The following SMAD6 variants were observed in gnomAD, a reference collection of about 807,000 sequenced individuals.
SMAD6 encodes the protein SMAD family member 6, also known as MAD homolog 6.
A neutral mutation model predicts 39.4 loss-of-function variants in SMAD6; 103 were observed. The ratio of observed to expected loss-of-function variants is 2.62; its 90% confidence interval spans 2.23 to 3.08. The LOEUF (loss-of-function observed/expected upper bound fraction) is 3.08, where lower values mean the gene tolerates loss of function less well. SMAD6 is among the 30% of genes most tolerant of loss of function. The pLI is 0.00. For synonymous variants in SMAD6, 445 were observed against 353.3 expected (o/e 1.26, Z -2.91); for missense variants, 1,104 against 742.9 (o/e 1.49, Z -5.65).
At chr15:66,716,332 G>T (rs1418105096) in intron 2 of SMAD6, 89 bp from the exon 3 acceptor site, 2 of 916,514 alleles carry the variant, frequency 2.2e-6, no homozygotes, top group Admixed American at 1.8e-5. Flanking sequence ...ATCCACACAC[G>T]TGCACATGTA....
chr15:66,713,594 A>G (rs1425678125), intron 2 of SMAD6, among the ~76,000 whole-genome samples: 1 of 152,238 alleles, frequency 6.6e-6, no homozygotes. Flanking sequence ...CTGGGATTAC[A>G]GGCGTGAGCC....
At chr15:66,708,702 G>T in intron 1 of SMAD6, 1 of 471,304 alleles carries the variant, frequency 2.1e-6, no homozygotes, top group Non-Finnish European at 4.4e-6. Flanking sequence ...TGTATGAAAT[G>T]AAATGTCCAG....
At chr15:66,726,415 A>G (rs1893522479) in intron 3 of SMAD6, among the ~76,000 whole-genome samples, 1 of 152,174 alleles carries the variant, frequency 6.6e-6, no homozygotes, top group African/African-American at 2.4e-5. Context: ...TGTCTGTCTC[A>G]GGCCCAGGGA....
chr15:66,704,015 G>A lies in SMAD6; in HGVS notation c.757G>A (p.Ala253Thr), dbSNP rs1893050180. 2.0e-6 allele frequency: 3 copies of A among 1,500,334 alleles called. No individual in the cohort carries two copies. The highest frequency in any genetic ancestry group is 2.1e-5 in the Admixed American group (1 of 47,226). The allele number at this position is 1,500,334 out of a possible 1,614,324, so 92.9% of individuals were successfully genotyped here. The change falls in exon 1 of 4, where the codon GCC becomes ACC. Residue 253 changes from alanine to threonine, a missense_variant. Transcript: ENST00000288840. ...GTGCGGCTGCCACAGCTTCGCCGCC[G>A]CCGCCGACGGCCCTACCGTGTGCTG... Reference protein sequence around the residue: ...PLCGCHSFAAAADGPTVCCNP... With the variant: ...PLCGCHSFAATADGPTVCCNP...
chr15:66,761,162 C>A (rs1034717890), intron 3 of SMAD6, among the ~76,000 whole-genome samples: 6 of 152,164 alleles, frequency 3.9e-5, no homozygotes, highest in African/African-American at 1.4e-4. Context: ...GCCGGGAAAA[C>A]CCCTCTCTGG....
intron 1 of SMAD6, chr15:66,704,406 T>C (rs906881623): frequency 1.0e-4 from 23 of 231,078 alleles, no homozygotes; most frequent in Non-Finnish European, 1.7e-4. Context: ...ACCAAAGAAG[T>C]AGGTGCTATT....
intron 3 of SMAD6, chr15:66,717,521 A>G: frequency 2.3e-6 from 1 of 442,266 alleles, no homozygotes; most frequent in Non-Finnish European, 4.7e-6. Flanking sequence ...ACCTTCAATA[A>G]ATGTATTTCC....
intron 1 of SMAD6, chr15:66,708,797 G>A: frequency 2.2e-6 from 1 of 461,290 alleles, no homozygotes; most frequent in South Asian, 1.6e-5. Context: ...CTGCCAATGG[G>A]GATGGTGTTT....
intron 3 of SMAD6, among the ~76,000 whole-genome samples, chr15:66,769,887 G>A (rs1894351452): frequency 6.6e-6 from 1 of 152,094 alleles, no homozygotes; most frequent in African/African-American, 2.4e-5. Context: ...GTGTGCAGTG[G>A]CGCAATCTTG....
intron 2 of SMAD6, among the ~76,000 whole-genome samples, chr15:66,713,539 C>T (rs1158608915): frequency 6.6e-6 from 1 of 152,178 alleles, no homozygotes. Context: ...AGGCTGGTCT[C>T]GATCTCCTGA....
At chr15:66,771,592 G>A (rs917918150) in intron 3 of SMAD6, among the ~76,000 whole-genome samples, 2 of 152,142 alleles carry the variant, frequency 1.3e-5, no homozygotes, top group African/African-American at 4.8e-5. Context: ...GCGACTGGGG[G>A]ACTCTGAGGA....
At chr15:66,741,938 A>G (rs1078407) in intron 3 of SMAD6, among the ~76,000 whole-genome samples, 76,007 of 151,964 alleles carry the variant, frequency 0.5, 19,871 homozygotes, top group East Asian at 0.74. Flanking sequence ...TGCTGACAGC[A>G]TCAGGTTTTC....
Position 66,781,608 on chromosome 15 carries a change from G to A in SMAD6, c.*73G>A. On this transcript the variant is annotated 3_prime_UTR_variant, in exon 4 of 4. Transcript: ENST00000288840. ...CCTGCCGGCCTCGAGAGGGGCCGAT[G>A]CCCAGAGACACAGCCCCCACGGACA... The A allele has an allele frequency of 8.5e-7, 1 of 1,172,940 alleles. No individual in the cohort carries two copies. The allele number at this position is 1,172,940 out of a possible 1,614,324, so 72.7% of individuals were successfully genotyped here.
chr15:66,762,290 GC>G (rs2140660352), intron 3 of SMAD6, among the ~76,000 whole-genome samples: 1 of 152,318 alleles, frequency 6.6e-6, no homozygotes, highest in Non-Finnish European at 1.5e-5. Context: ...CCTCCAGTAT[GC>G]CTGCGTGGGT....
At chr15:66,751,843 G>A (rs186026370) in intron 3 of SMAD6, among the ~76,000 whole-genome samples, 2 of 152,212 alleles carry the variant, frequency 1.3e-5, no homozygotes, top group Admixed American at 1.3e-4. Context: ...TTGTTTTGTT[G>A]AGAAGAGGAA....
chr15:66,742,864 T>C (rs1348918914), intron 3 of SMAD6, among the ~76,000 whole-genome samples: 1 of 152,130 alleles, frequency 6.6e-6, no homozygotes. Flanking sequence ...GTTTCTGGGC[T>C]TGGGTGCTCT....
intron 3 of SMAD6, among the ~76,000 whole-genome samples, chr15:66,777,399 G>A (rs1271121499): frequency 6.6e-6 from 1 of 151,928 alleles, no homozygotes; most frequent in African/African-American, 2.4e-5. Flanking sequence ...TATTAGGTTG[G>A]TGCAAAAGTA....
chr15:66,717,487 C>T lies in SMAD6; in HGVS notation c.952+989C>T. On this transcript the variant is annotated intron_variant, in intron 3 of 3. Transcript: ENST00000288840. ...TGCTCTTCATCACTGTTTTGTCCCC[C>T]ACTTTTCTGCAAGGGCCAAATGTAC... 6.7e-6 allele frequency: 3 copies of T among 450,666 alleles called. 1 individual carries two copies. Among genetic ancestry groups the T allele is most frequent in the South Asian group, 4.7e-5 (3 of 64,466 alleles). 27.9% of individuals were successfully genotyped at this position (450,666 alleles called of 1,614,324 possible).
At chr15:66,708,809 T>C in intron 1 of SMAD6, 1 of 455,026 alleles carries the variant, frequency 2.2e-6, no homozygotes, top group East Asian at 7.2e-5. Context: ...ATGGTGTTTC[T>C]TTTTGCGATA....
Sources: allele counts gnomAD v4.1 joint callset (sites outside exome capture counted in the v4.1 genomes callset), GRCh38; gene constraint gnomAD v4.1.1; transcripts MANE v1.5; gene names NCBI Gene and HGNC (gene_info 2026-07-23, HGNC 2026-07-21).